LTBP1: variants seen among roughly 807,000 people sequenced by gnomAD.
LTBP1 encodes the protein latent transforming growth factor beta binding protein 1.
A neutral mutation model predicts 207.6 loss-of-function variants in LTBP1; 129 were observed. The ratio of observed to expected loss-of-function variants is 0.62; its 90% confidence interval spans 0.54 to 0.72. The LOEUF (loss-of-function observed/expected upper bound fraction) is 0.72, where lower values mean the gene tolerates loss of function less well. Among genes scored for constraint, LTBP1 ranks in the 30% least tolerant of loss-of-function variants. LTBP1 has a pLI of 0.00. For synonymous variants in LTBP1, 963 were observed against 833.7 expected (o/e 1.16, Z -2.67); for missense variants, 2,281 against 2,217.2 (o/e 1.03, Z -0.58).
rs544236159 is a variant in LTBP1, at chr2:32,965,558, A to G, written c.565+16613A>G. ...TAGTTTTGCCTCTTCCAGAATGACA[A>G]ATAGTTGAGATCATACTGTAGGTAG... On this transcript the variant is annotated intron_variant, in intron 2 of 33. Coordinates refer to ENST00000404816, the MANE Select transcript of LTBP1 (RefSeq NM_206943.4). Among the ~76,000 whole-genome samples, 6 of 152,276 alleles carry G rather than the reference A, an allele frequency of 3.9e-5. No individual in the cohort carries two copies. In the South Asian group the frequency reaches 1.0e-3, roughly 26 times the overall value.
At chr2:33,209,506 A>T (rs1218697292) in intron 7 of LTBP1, among the ~76,000 whole-genome samples, 5 of 152,182 alleles carry the variant, frequency 3.3e-5, no homozygotes, top group Non-Finnish European at 7.3e-5. Flanking sequence ...ATTCCATGAT[A>T]CCATGTTGTG....
chr2:32,954,365 T>C (rs150656), intron 2 of LTBP1, among the ~76,000 whole-genome samples: 73,756 of 152,002 alleles, frequency 0.49, 18,271 homozygotes, highest in Admixed American at 0.55. Context: ...AGAAGTCCAA[T>C]GTCAAGGTGT....
intron 5 of LTBP1, among the ~76,000 whole-genome samples, chr2:33,159,927 G>T (rs1186102583): frequency 6.6e-6 from 1 of 152,052 alleles, no homozygotes; most frequent in African/African-American, 2.4e-5. Context: ...TGTTGCCCAG[G>T]CTGGAGTGCA....
chr2:33,257,519 C>A lies in LTBP1; in HGVS notation c.2395+8C>A, dbSNP rs11686962. 1 of 1,608,442 alleles carries A rather than the reference C, an allele frequency of 6.2e-7. No homozygotes were observed. The highest frequency in any genetic ancestry group is 1.7e-5 in the Admixed American group (1 of 59,886). On this transcript the variant is annotated splice_region_variant and intron_variant, in intron 12 of 33. Coordinates refer to ENST00000404816, the MANE Select transcript of LTBP1 (RefSeq NM_206943.4). ...GAGTGGCGGAGCCAGAAGGTGAGAG[C>A]GGTAATGGATCATGGACTCTAGACA...
chr2:33,141,032 T>G (rs2082610559), intron 5 of LTBP1, among the ~76,000 whole-genome samples: 2 of 152,226 alleles, frequency 1.3e-5, no homozygotes, highest in South Asian at 4.1e-4. Context: ...AGTTATTCAT[T>G]TAACGTGCAT....
At chr2:33,144,038 T>C (rs550055668) in intron 5 of LTBP1, among the ~76,000 whole-genome samples, 1 of 152,102 alleles carries the variant, frequency 6.6e-6, no homozygotes, top group African/African-American at 2.4e-5. Context: ...CTGGAAGACC[T>C]TTGTCTCTTT....
At chr2:33,266,384 T>G (rs1403840384) in intron 15 of LTBP1, among the ~76,000 whole-genome samples, 1 of 152,156 alleles carries the variant, frequency 6.6e-6, no homozygotes, top group Middle Eastern at 3.4e-3. Flanking sequence ...AACATGTTGA[T>G]GGAGGGAGGC....
intron 2 of LTBP1, among the ~76,000 whole-genome samples, chr2:32,953,265 A>T (rs1677478529): frequency 6.6e-6 from 1 of 152,164 alleles, no homozygotes; most frequent in South Asian, 2.1e-4. Flanking sequence ...AGTTCAGGTG[A>T]CCTAGAGAAC....
rs1019095429 is a variant in LTBP1, at chr2:32,990,213, A to G, written c.566-30696A>G. Among the ~76,000 whole-genome samples, 3 of 152,244 alleles carry G rather than the reference A, an allele frequency of 2.0e-5. No individual in the cohort carries two copies. In the South Asian group the frequency reaches 6.2e-4, roughly 32 times the overall value. ...TCTATCGATATTCCATGCATACGCA[A>G]TTGACAGAGGCCTCTGGCCAATAAG... On this transcript the variant is annotated intron_variant, in intron 2 of 33. Coordinates refer to ENST00000404816, the MANE Select transcript of LTBP1 (RefSeq NM_206943.4).
intron 2 of LTBP1, among the ~76,000 whole-genome samples, chr2:33,003,211 G>T (rs1686302782): frequency 6.6e-6 from 1 of 152,176 alleles, no homozygotes; most frequent in Admixed American, 6.5e-5. Context: ...AAAACGACCT[G>T]CTCAAATGTA....
chr2:32,956,141 G>T (rs1678036248), intron 2 of LTBP1, among the ~76,000 whole-genome samples: 1 of 152,170 alleles, frequency 6.6e-6, no homozygotes, highest in Admixed American at 6.5e-5. Context: ...GCTAGTGGAA[G>T]GTCTTGCCTT....
intron 3 of LTBP1, among the ~76,000 whole-genome samples, chr2:33,075,452 C>G (rs777253257): frequency 2.0e-5 from 3 of 152,130 alleles, no homozygotes; most frequent in African/African-American, 7.2e-5. Flanking sequence ...AAAGTTACTC[C>G]TATTGTAATT....
chr2:33,233,271 A>G (rs1368021620), intron 9 of LTBP1, among the ~76,000 whole-genome samples: 4 of 151,862 alleles, frequency 2.6e-5, no homozygotes, highest in Admixed American at 1.3e-4. Context: ...CCATTTTCCA[A>G]TTTTCTAATT....
At chr2:33,361,806 A>T (rs2094930288) in intron 28 of LTBP1, among the ~76,000 whole-genome samples, 1 of 152,210 alleles carries the variant, frequency 6.6e-6, no homozygotes, top group South Asian at 2.1e-4. Flanking sequence ...TATATCTGAA[A>T]GTACTTAACA....
intron 2 of LTBP1, among the ~76,000 whole-genome samples, chr2:32,994,769 A>G (rs959416986): frequency 3.9e-5 from 6 of 152,202 alleles, no homozygotes; most frequent in South Asian, 2.1e-4. Flanking sequence ...GCCTGGCCAC[A>G]TTAGTGATTC....
intron 2 of LTBP1, among the ~76,000 whole-genome samples, chr2:33,017,960 C>A (rs534071636): frequency 6.6e-6 from 1 of 152,228 alleles, no homozygotes; most frequent in South Asian, 2.1e-4. Flanking sequence ...CAATCCAGCC[C>A]CTCCTCATCT....
intron 3 of LTBP1, among the ~76,000 whole-genome samples, chr2:33,083,877 T>G (rs1030990397): frequency 6.6e-6 from 1 of 152,226 alleles, no homozygotes; most frequent in Admixed American, 6.5e-5. Context: ...CCTGACGCAC[T>G]GTCAAATTGA....
chr2:33,249,211 T>C lies in LTBP1; in HGVS notation c.2000-3466T>C, dbSNP rs549400172. 8.5e-5 allele frequency among the ~76,000 whole-genome samples: 13 copies of C among 152,278 alleles called. No individual in the cohort carries two copies. In the South Asian group the frequency reaches 2.1e-3, roughly 24 times the overall value. On this transcript the variant is annotated intron_variant, in intron 10 of 33. Transcript: ENST00000404816. Reference sequence around the variant, plus strand: ...ACCAGATTAATTAATATCTGCTTAATATTTGTCATTCACATTTTAACCCAT... The same window carrying C: ...ACCAGATTAATTAATATCTGCTTAACATTTGTCATTCACATTTTAACCCAT...
chr2:33,161,607 G>A (rs1394177300), intron 5 of LTBP1, among the ~76,000 whole-genome samples: 1 of 152,162 alleles, frequency 6.6e-6, no homozygotes, highest in Non-Finnish European at 1.5e-5. Flanking sequence ...CTTACCTTCT[G>A]CAAACAAATG....
Sources: allele counts gnomAD v4.1 joint callset (sites outside exome capture counted in the v4.1 genomes callset), GRCh38; gene constraint gnomAD v4.1.1; transcripts MANE v1.5; gene names NCBI Gene and HGNC (gene_info 2026-07-23, HGNC 2026-07-21).